The following RFX3 variants were observed in gnomAD, a reference collection of about 807,000 sequenced individuals.
RFX3 encodes the protein transcription factor RFX3.
Under a neutral mutation model 98.6 loss-of-function variants are expected in RFX3, and 14 were observed. The observed-to-expected ratio is 0.14, with a 90% CI of 0.09 to 0.22. RFX3 has a LOEUF of 0.22. Among genes scored for constraint, RFX3 ranks in the 10% least tolerant of loss-of-function variants. The probability of loss-of-function intolerance (pLI) is 1.00; values close to 1 mark genes in which losing one functional copy is unlikely to be tolerated. For missense variants in RFX3, 639 were observed against 926.9 expected (o/e 0.69, Z 4.03); for synonymous variants, 383 against 328.4 (o/e 1.17, Z -1.80).
chr9:3,403,718 G>C (rs1444137789), intron 1 of RFX3, among the ~76,000 whole-genome samples: 3 of 152,062 alleles, frequency 2.0e-5, no homozygotes, highest in African/African-American at 7.2e-5. Context: ...TAACACTGAA[G>C]CCAAACTGCT....
chr9:3,244,690 T>G (rs1240520168), intron 15 of RFX3, among the ~76,000 whole-genome samples: 2 of 152,174 alleles, frequency 1.3e-5, no homozygotes, highest in African/African-American at 2.4e-5. Flanking sequence ...CAAACATCAC[T>G]TCCTTGGGAA....
At chr9:3,523,298 T>C (rs1188086089) in intron 1 of RFX3, among the ~76,000 whole-genome samples, 1 of 152,292 alleles carries the variant, frequency 6.6e-6, no homozygotes, top group African/African-American at 2.4e-5. Flanking sequence ...ATACATAACA[T>C]AGTCCCTTCT....
intron 1 of RFX3, among the ~76,000 whole-genome samples, chr9:3,434,532 T>A (rs73387704): frequency 6.6e-6 from 1 of 152,114 alleles, no homozygotes; most frequent in Non-Finnish European, 1.5e-5. Flanking sequence ...ACAATGATCA[T>A]CTTGTATTTC....
At chr9:3,303,666 G>A (rs953881576) in intron 4 of RFX3, among the ~76,000 whole-genome samples, 2 of 151,670 alleles carry the variant, frequency 1.3e-5, no homozygotes, top group African/African-American at 4.8e-5. Context: ...AAAAGTCAGA[G>A]ATCTGCTTCT....
At chr9:3,256,940 A>T (rs1287731227) in intron 14 of RFX3, 51 bp downstream of exon 14, 1 of 1,476,694 alleles carries the variant, frequency 6.8e-7, no homozygotes, top group South Asian at 1.1e-5. Flanking sequence ...ACATACACAC[A>T]CATATTTGCA....
chr9:3,315,465 T>G (rs1233541968), intron 4 of RFX3, among the ~76,000 whole-genome samples: 1 of 151,858 alleles, frequency 6.6e-6, no homozygotes, highest in Non-Finnish European at 1.5e-5. Context: ...TTAAAAGAAC[T>G]AGAGAAGCAA....
chr9:3,473,440 G>C (rs72699089), intron 1 of RFX3, among the ~76,000 whole-genome samples: 1 of 152,240 alleles, frequency 6.6e-6, no homozygotes, highest in East Asian at 1.9e-4. Context: ...ACTAACAAAA[G>C]TCTAAAACAT....
At chr9:3,252,673 G>C (rs573646612) in intron 14 of RFX3, among the ~76,000 whole-genome samples, 82 of 152,264 alleles carry the variant, frequency 5.4e-4, no homozygotes, top group African/African-American at 1.9e-3. Flanking sequence ...GGACTGTGTA[G>C]GGTCTAGTAG....
chr9:3,513,626 C>A (rs538166520), intron 1 of RFX3, among the ~76,000 whole-genome samples: 1 of 152,272 alleles, frequency 6.6e-6, no homozygotes, highest in East Asian at 1.9e-4. Flanking sequence ...GAAGTCTTTA[C>A]TTCAAAGTTT....
intron 7 of RFX3, among the ~76,000 whole-genome samples, chr9:3,282,827 C>G (rs1332798880): frequency 6.6e-6 from 1 of 151,728 alleles, no homozygotes; most frequent in Non-Finnish European, 1.5e-5. Flanking sequence ...GAGGTTCTAT[C>G]TAGGAAGAAA....
At chr9:3,499,322 GTAAAAA>G (rs1247102897) in intron 1 of RFX3, among the ~76,000 whole-genome samples, 1 of 151,884 alleles carries the variant, frequency 6.6e-6, no homozygotes, top group Non-Finnish European at 1.5e-5. Flanking sequence ...CATGAAGTTG[GTAAAAA>G]TAAAAACCAT....
intron 1 of RFX3, among the ~76,000 whole-genome samples, chr9:3,467,361 T>C (rs533912129): frequency 4.0e-5 from 6 of 149,996 alleles, no homozygotes; most frequent in African/African-American, 1.5e-4. Context: ...AGTCTATCAC[T>C]GAGCCAAGGC....
At chr9:3,504,921 C>CAT (rs1322880831) in intron 1 of RFX3, among the ~76,000 whole-genome samples, 1 of 21,430 alleles carries the variant, frequency 4.7e-5, no homozygotes, top group Non-Finnish European at 8.5e-5. Flanking sequence ...TATAATATAA[C>CAT]ATATATTATA....
chr9:3,434,458 A>G (rs1844936633), intron 1 of RFX3, among the ~76,000 whole-genome samples: 1 of 152,136 alleles, frequency 6.6e-6, no homozygotes, highest in South Asian at 2.1e-4. Context: ...GCCTTGGTCT[A>G]TGTATACACT....
At chr9:3,321,179 C>T (rs1316970577) in intron 4 of RFX3, among the ~76,000 whole-genome samples, 1 of 152,122 alleles carries the variant, frequency 6.6e-6, no homozygotes, top group Admixed American at 6.6e-5. Flanking sequence ...GCTGGGATTA[C>T]ACACGTGAGC....
intron 1 of RFX3, among the ~76,000 whole-genome samples, chr9:3,414,961 T>C (rs1335396372): frequency 3.6e-5 from 5 of 137,860 alleles, no homozygotes; most frequent in Non-Finnish European, 6.1e-5. Context: ...TGTGTGTGTA[T>C]ATATTCATAT....
At chr9:3,290,758 C>T (rs918153177) in intron 6 of RFX3, among the ~76,000 whole-genome samples, 9 of 152,108 alleles carry the variant, frequency 5.9e-5, no homozygotes, top group African/African-American at 7.2e-5. Context: ...ACTTAAAATG[C>T]TACAGAAAAG....
chr9:3,368,843 T>C (rs1366279584), intron 2 of RFX3, among the ~76,000 whole-genome samples: 6 of 152,244 alleles, frequency 3.9e-5, no homozygotes, highest in Non-Finnish European at 2.9e-5. Context: ...ACTTACATCT[T>C]AGTATAACTA....
At chr9:3,513,651 G>A (rs1177399118) in intron 1 of RFX3, among the ~76,000 whole-genome samples, 1 of 152,126 alleles carries the variant, frequency 6.6e-6, no homozygotes, top group Admixed American at 6.5e-5. Flanking sequence ...CGGGCAGTAG[G>A]ACTGGAAGTG....
Sources: gnomAD v4.1 joint callset for allele counts (sites outside exome capture counted in the v4.1 genomes callset) on GRCh38, gnomAD v4.1.1 for gene constraint, MANE v1.5 for transcripts, NCBI Gene and HGNC (gene_info 2026-07-23, HGNC 2026-07-21) for gene names.